The following FBLN1 variants were observed in gnomAD, a reference collection of about 807,000 sequenced individuals.
FBLN1 encodes fibulin 1.
Under a neutral mutation model 89.7 loss-of-function variants are expected in FBLN1, and 34 were observed. The observed-to-expected ratio is 0.38, with a 90% CI of 0.29 to 0.50. The LOEUF (loss-of-function observed/expected upper bound fraction) is 0.50, where lower values mean the gene tolerates loss of function less well. FBLN1 is among the 20% of genes least tolerant of loss of function. FBLN1 has a pLI of 0.92. For synonymous variants in FBLN1, 393 were observed against 391.3 expected (o/e 1.00, Z -0.05); for missense variants, 777 against 988.1 (o/e 0.79, Z 2.86).
At chr22:45,558,986 C>G (rs539033295) in intron 14 of FBLN1, among the ~76,000 whole-genome samples, 5 of 152,176 alleles carry the variant, frequency 3.3e-5, no homozygotes, top group Non-Finnish European at 5.9e-5. Flanking sequence ...CTTGCAGAAG[C>G]GAAATGCGAT....
intron 1 of FBLN1, among the ~76,000 whole-genome samples, chr22:45,503,731 G>C (rs1056596355): frequency 6.6e-6 from 1 of 152,160 alleles, no homozygotes; most frequent in African/African-American, 2.4e-5. Context: ...GGTTCTGCCG[G>C]GCTCGGTGCT....
chr22:45,598,879 G>A (rs1449661619), intron 16 of FBLN1, among the ~76,000 whole-genome samples: 1 of 152,210 alleles, frequency 6.6e-6, no homozygotes, highest in Non-Finnish European at 1.5e-5. Flanking sequence ...TTTGTTGCTG[G>A]GGAACCTAGG....
intron 1 of FBLN1, among the ~76,000 whole-genome samples, chr22:45,512,350 G>A (rs1177009821): frequency 1.3e-5 from 2 of 151,954 alleles, no homozygotes; most frequent in African/African-American, 2.4e-5. Context: ...GTTGACCCCC[G>A]CAGAACTCTT....
chr22:45,551,123 T>A (rs2088695778), intron 14 of FBLN1: 1 of 242,128 alleles, frequency 4.1e-6, no homozygotes, highest in South Asian at 6.0e-5. Flanking sequence ...AGATTCCAGA[T>A]CCTAAACGTG....
chr22:45,592,131 A>G (rs1001205611), intron 16 of FBLN1, among the ~76,000 whole-genome samples: 4 of 152,166 alleles, frequency 2.6e-5, no homozygotes, highest in African/African-American at 9.7e-5. Context: ...AGGTGCTACT[A>G]GTAGCGCCTC....
chr22:45,516,710 A>C (rs2238811), intron 1 of FBLN1, among the ~76,000 whole-genome samples: 87,113 of 152,054 alleles, frequency 0.57, 25,236 homozygotes, highest in East Asian at 0.78. Flanking sequence ...GTGGCACGAA[A>C]CTTCACCCTT....
At chr22:45,598,045 C>T (rs527800077) in intron 16 of FBLN1, among the ~76,000 whole-genome samples, 1 of 152,232 alleles carries the variant, frequency 6.6e-6, no homozygotes, top group Non-Finnish European at 1.5e-5. Context: ...GATAGGCTGT[C>T]ACCGTGCACG....
chr22:45,551,424 C>T (rs999740464), intron 14 of FBLN1, among the ~76,000 whole-genome samples: 13 of 152,232 alleles, frequency 8.5e-5, no homozygotes, highest in Non-Finnish European at 1.6e-4. Context: ...GCCAGCTGCC[C>T]CCGCGACCTG....
intron 2 of FBLN1, among the ~76,000 whole-genome samples, chr22:45,519,814 A>T (rs78816580): frequency 0.094 from 14,338 of 152,076 alleles, 1,319 homozygotes; most frequent in African/African-American, 0.23. Context: ...GTTGGGTTTC[A>T]GGCTGGGTGA....
chr22:45,506,362 G>T (rs1176358138), intron 1 of FBLN1, among the ~76,000 whole-genome samples: 1 of 152,250 alleles, frequency 6.6e-6, no homozygotes. Flanking sequence ...GTCAGGAAAG[G>T]TGGTGTTCTT....
At chr22:45,523,113 T>C in intron 2 of FBLN1, 1 of 775,784 alleles carries the variant, frequency 1.3e-6, no homozygotes. Context: ...GGCCTCACTG[T>C]GCCAGGACCT....
At chr22:45,528,389 G>GAGTGC (rs2088359577) in intron 4 of FBLN1, among the ~76,000 whole-genome samples, 1 of 152,034 alleles carries the variant, frequency 6.6e-6, no homozygotes, top group African/African-American at 2.4e-5. Flanking sequence ...ACCCAGGCTG[G>GAGTGC]AGTGCAGTGC....
chr22:45,586,656 G>A (rs1359259752), intron 16 of FBLN1, among the ~76,000 whole-genome samples: 1 of 152,252 alleles, frequency 6.6e-6, no homozygotes, highest in Non-Finnish European at 1.5e-5. Context: ...ACGGACACAT[G>A]CCTGAGCCAT....
In FBLN1 at chr22:45,574,379, TTC is replaced by T; in HGVS notation, c.1698-128_1698-127del. 2 of 956,238 alleles carry T rather than the reference TTC, an allele frequency of 2.1e-6. No homozygotes were observed. Among genetic ancestry groups the T allele is most frequent in the Non-Finnish European group, 1.6e-6 (1 of 615,654 alleles). The allele number at this position is 956,238 out of a possible 1,614,324, so 59.2% of individuals were successfully genotyped here. A position where few individuals can be genotyped will look rare whatever the true frequency, so the allele number is the denominator to read the frequency against. On this transcript the variant is annotated intron_variant, in intron 14 of 16. Coordinates refer to ENST00000327858, the MANE Select transcript of FBLN1 (RefSeq NM_006486.3). The surrounding 1 kb of genome is among the most constrained non-coding windows in gnomAD (Gnocchi z 4.1). ...AGCCAGGCTGCAGAGACCACTGTCG[TTC>T]TCTGATGGAGCTGTCTCTGGGACAG...
rs372403048 is a variant in FBLN1, at chr22:45,545,668, C to T, written c.1322-1417C>T. On this transcript the variant is annotated intron_variant, in intron 11 of 16. Transcript: ENST00000327858. The surrounding 1 kb of genome is among the most constrained non-coding windows in gnomAD (Gnocchi z 5.9). ...GTGTCTCTAGCGGGGGATGAGAGAC[C>T]ACACTGGACAGGTGGAGGCCAGGCC... Among the ~76,000 whole-genome samples, 4 of 152,102 alleles carry T rather than the reference C, an allele frequency of 2.6e-5. No homozygotes were observed. Among genetic ancestry groups the T allele is most frequent in the African/African-American group, 9.7e-5 (4 of 41,402 alleles).
rs574765946 is a variant in FBLN1 at position 45,543,537 on chromosome 22, G to A, written c.1321+11G>A. 7.1e-5 allele frequency: 115 copies of A among 1,612,084 alleles called. 1 individual carries two copies. The South Asian group carries it at 1.2e-3, about 17-fold the overall frequency. ...GCAGGTCATGTGAAGGTGAGGCTGG[G>A]GCCCCGTCCACTCACCTCCCCCAGG... On this transcript the variant is annotated intron_variant, in intron 11 of 16. Transcript: ENST00000327858.
intron 3 of FBLN1, among the ~76,000 whole-genome samples, chr22:45,526,691 G>T (rs886832338): frequency 6.6e-6 from 1 of 152,224 alleles, no homozygotes; most frequent in African/African-American, 2.4e-5. Flanking sequence ...TGGAGGAGTT[G>T]GGGGTCCCGA....
intron 11 of FBLN1, among the ~76,000 whole-genome samples, chr22:45,543,869 G>C (rs2088591666): frequency 6.6e-6 from 1 of 152,200 alleles, no homozygotes; most frequent in Non-Finnish European, 1.5e-5. Flanking sequence ...TCCTCCCCGG[G>C]GAGAGGGGTT....
chr22:45,529,424 G>A (rs1386789089), intron 4 of FBLN1, among the ~76,000 whole-genome samples: 2 of 152,234 alleles, frequency 1.3e-5, no homozygotes, highest in Non-Finnish European at 2.9e-5. Flanking sequence ...TGGCTGTCCA[G>A]TAGCCTCTTA....
Sources: gnomAD v4.1 joint callset for allele counts (sites outside exome capture counted in the v4.1 genomes callset) on GRCh38, gnomAD v4.1.1 for gene constraint, Gnocchi (gnomAD v3.1) non-coding constraint, MANE v1.5 for transcripts, NCBI Gene and HGNC (gene_info 2026-07-23, HGNC 2026-07-21) for gene names.